CNKSR2: variants seen among roughly 807,000 people sequenced by gnomAD.
CNKSR2 encodes CNK homolog protein 2.
CNKSR2 carries 14 observed loss-of-function variants against 84.4 expected under a neutral mutation model. The ratio of observed to expected loss-of-function variants is 0.17; its 90% CI spans 0.11 to 0.26. CNKSR2 has a LOEUF of 0.26. Among genes scored for constraint, CNKSR2 ranks in the 10% least tolerant of loss-of-function variants. The pLI, the probability that CNKSR2 is intolerant of heterozygous loss-of-function variation, is 1.00. For missense variants in CNKSR2, 485 were observed against 771.2 expected, an observed-to-expected ratio of 0.63 and a Z score of 4.40; for synonymous variants, 275 against 277.9, an observed-to-expected ratio of 0.99 and a Z score of 0.10.
intron 5 of CNKSR2, among the ~76,000 whole-genome samples, chrX:21,472,737 T>C (rs1454769456): frequency 2.7e-5 from 3 of 111,430 alleles, no homozygotes; most frequent in African/African-American, 9.8e-5. Context: ...AATATGAAAT[T>C]TTATTTCTGA....
At chrX:21,432,517 C>A in intron 2 of CNKSR2, 95 bp from the exon 3 acceptor site, 1 of 609,811 alleles carries the variant, frequency 1.6e-6, no homozygotes, top group Non-Finnish European at 2.6e-6. Context: ...TCGAATGCTA[C>A]CCCATTGCCT....
At chrX:21,435,713 T>C (rs1234363138) in intron 3 of CNKSR2, among the ~76,000 whole-genome samples, 2 of 111,943 alleles carry the variant, frequency 1.8e-5, no homozygotes, top group African/African-American at 6.5e-5. Flanking sequence ...CAAATCGATC[T>C]ATACTCAGAA....
intron 1 of CNKSR2, among the ~76,000 whole-genome samples, chrX:21,376,801 CAT>C (rs1443724052): frequency 8.9e-6 from 1 of 111,898 alleles, no homozygotes; most frequent in Non-Finnish European, 1.9e-5. Context: ...CGCAAATTCC[CAT>C]GATGCCTGTA....
intron 20 of CNKSR2, among the ~76,000 whole-genome samples, chrX:21,624,840 G>C (rs1353180420): frequency 1.8e-5 from 2 of 112,215 alleles, no homozygotes; most frequent in Non-Finnish European, 3.8e-5. Context: ...TCATTGCACA[G>C]TTTCTAAAAT....
intron 18 of CNKSR2, among the ~76,000 whole-genome samples, chrX:21,605,063 A>G (rs760298511): frequency 1.8e-5 from 2 of 111,941 alleles, no homozygotes; most frequent in Non-Finnish European, 3.8e-5. Flanking sequence ...GTGCCCACAC[A>G]CACACAACTC....
At chrX:21,613,636 T>A (rs1187320310) in intron 20 of CNKSR2, among the ~76,000 whole-genome samples, 1 of 112,367 alleles carries the variant, frequency 8.9e-6, no homozygotes, top group Non-Finnish European at 1.9e-5. Context: ...GAAATATATT[T>A]TAAGGTTATT....
At chrX:21,386,272 C>T (rs931200653) in intron 1 of CNKSR2, among the ~76,000 whole-genome samples, 1 of 111,166 alleles carries the variant, frequency 9.0e-6, no homozygotes, top group East Asian at 2.8e-4. Flanking sequence ...GATCCGAAAC[C>T]CTTATATACC....
In CNKSR2 at chrX:21,497,804, T is replaced by C; in HGVS notation, c.699T>C (p.Ser233=). The change falls in exon 7 of 22, where the codon TCT becomes TCC. Residue 233 remains serine, a synonymous_variant. Coordinates refer to ENST00000379510, the MANE Select transcript of CNKSR2 (RefSeq NM_014927.5). ...TTTCTTAGGGTATGTATATTAAATC[T>C]ACATATGATGGCCTCCATGTAATTA... is the stretch of plus-strand genomic sequence containing the variant. ...PSEGLGMYIK[S]TYDGLHVITG... 1 of 941,090 alleles carries C rather than the reference T, an allele frequency of 1.1e-6. No individual in the cohort carries two copies. Among genetic ancestry groups the C allele is most frequent in the Non-Finnish European group, 1.5e-6 (1 of 649,321 alleles). 77.6% of individuals were successfully genotyped at this position (941,090 alleles called of 1,213,427 possible).
At chrX:21,463,785 TG>T (rs1047599800) in intron 4 of CNKSR2, among the ~76,000 whole-genome samples, 1 of 110,864 alleles carries the variant, frequency 9.0e-6, no homozygotes, top group African/African-American at 3.3e-5. Flanking sequence ...GGACTCTGAC[TG>T]GTACCCTATC....
At chrX:21,444,168 T>C (rs1266632479) in intron 4 of CNKSR2, among the ~76,000 whole-genome samples, 1 of 111,627 alleles carries the variant, frequency 9.0e-6, no homozygotes, top group Non-Finnish European at 1.9e-5. Flanking sequence ...GAGCACAAAT[T>C]TGTAAATACT....
intron 18 of CNKSR2, among the ~76,000 whole-genome samples, chrX:21,604,190 A>G (rs749228748): frequency 3.6e-5 from 4 of 111,273 alleles, no homozygotes; most frequent in African/African-American, 9.8e-5. Context: ...AAAAAAATTA[A>G]TTTGCAAAGT....
intron 4 of CNKSR2, among the ~76,000 whole-genome samples, chrX:21,463,254 A>G (rs1247523059): frequency 2.7e-5 from 3 of 110,946 alleles, no homozygotes; most frequent in African/African-American, 9.9e-5. Flanking sequence ...GAGGATTTTT[A>G]CATCAGTATT....
intron 11 of CNKSR2, among the ~76,000 whole-genome samples, chrX:21,552,741 T>G (rs2092105122): frequency 8.9e-6 from 1 of 112,155 alleles, no homozygotes; most frequent in Admixed American, 9.5e-5. Context: ...AAAAACTATC[T>G]AGAAAGATCA....
chrX:21,604,793 TG>T (rs1191754300), intron 18 of CNKSR2, among the ~76,000 whole-genome samples: 1 of 111,045 alleles, frequency 9.0e-6, no homozygotes, highest in African/African-American at 3.3e-5. Flanking sequence ...ACCTACAGGG[TG>T]ATTTCCCAGT....
chrX:21,522,268 T>G (rs1025027294), intron 9 of CNKSR2, among the ~76,000 whole-genome samples: 2 of 111,054 alleles, frequency 1.8e-5, no homozygotes, highest in African/African-American at 3.2e-5. Flanking sequence ...GTGAATAAAA[T>G]AAATGGCCAG....
intron 7 of CNKSR2, among the ~76,000 whole-genome samples, chrX:21,498,947 A>G (rs1485621618): frequency 8.9e-6 from 1 of 111,800 alleles, no homozygotes; most frequent in Non-Finnish European, 1.9e-5. Flanking sequence ...TCTTTTTAAA[A>G]ATCAACATTC....
intron 8 of CNKSR2, among the ~76,000 whole-genome samples, chrX:21,512,879 T>C (rs1405408463): frequency 3.6e-5 from 4 of 111,932 alleles, no homozygotes; most frequent in Non-Finnish European, 7.5e-5. Context: ...TGCTTTAGAA[T>C]TGAAAAGACA....
chrX:21,526,993 A>T lies in CNKSR2; in HGVS notation c.1084A>T (p.Ile362Phe), dbSNP rs1173210591. ...TCCCCCTCCTCCTGCAGAACCATAT[A>T]TTCCCAGGTATAAAACTATCACGTT... is the stretch of plus-strand genomic sequence containing the variant. ...YIPPPPAEPY[I>F]PRDEKGNLPC... Residue 362 changes from isoleucine (I) to phenylalanine (F), a missense_variant, in exon 10 of 22, where the codon ATT becomes TTT. Physicochemically the swap from Ile to Phe is conservative, Grantham distance 21. Transcript: ENST00000379510. The T allele has an allele frequency of 8.3e-7, 1 of 1,202,798 alleles. No individual in the cohort carries two copies. The highest frequency in any genetic ancestry group is 1.8e-5 in the African/African-American group (1 of 56,515).
At chrX:21,391,142 A>C (rs2090044336) in intron 1 of CNKSR2, among the ~76,000 whole-genome samples, 1 of 112,505 alleles carries the variant, frequency 8.9e-6, no homozygotes, top group Admixed American at 9.3e-5. Flanking sequence ...GCTGGCACTG[A>C]GTGCCTACGT....
Sources: gnomAD v4.1 joint callset for allele counts (sites outside exome capture counted in the v4.1 genomes callset) on GRCh38, gnomAD v4.1.1 for gene constraint, MANE v1.5 for transcripts, NCBI Gene and HGNC (gene_info 2026-07-23, HGNC 2026-07-21) for gene names.